Variants in FLCN observed in about 807,000 individuals in gnomAD.
FLCN encodes BHD skin lesion fibrofolliculoma protein.
Under a neutral mutation model 62.5 loss-of-function variants are expected in FLCN, and 22 were observed. The ratio of observed to expected loss-of-function variants is 0.35; its 90% CI spans 0.25 to 0.50. FLCN has a LOEUF of 0.50. Ranked by LOEUF, FLCN falls within the 20% of genes least tolerant of loss-of-function variation. The probability of loss-of-function intolerance (pLI) is 0.97; values close to 1 mark genes in which losing one functional copy is unlikely to be tolerated. For missense variants in FLCN, 657 were observed against 778.0 expected, an observed-to-expected ratio of 0.84 and a Z score of 1.85; for synonymous variants, 319 against 310.0, an observed-to-expected ratio of 1.03 and a Z score of -0.30.
At chr17:17,234,537 G>A (rs1169184355) in intron 1 of FLCN, among the ~76,000 whole-genome samples, 7 of 150,442 alleles carry the variant, frequency 4.7e-5, no homozygotes, top group Admixed American at 3.3e-4. Flanking sequence ...ACTCTTATTC[G>A]TTTTTCCTTT....
intron 3 of FLCN, 55 bp downstream of exon 3, chr17:17,231,739 C>G (rs1199522385): frequency 1.3e-5 from 2 of 152,370 alleles, no homozygotes; most frequent in African/African-American, 4.8e-5. Flanking sequence ...GCCTCTCTGC[C>G]GGCGGCCCAT....
Position 17,226,245 on chromosome 17 carries a change from G to GT in FLCN, c.326dup (p.His109GlnfsTer24). On this transcript the variant is annotated frameshift_variant, in exon 5 of 14. Coordinates refer to ENST00000285071, the MANE Select transcript of FLCN (RefSeq NM_144997.7). LOFTEE classifies it high-confidence loss of function. ...AGAGCTGGGGGTGGCTGGGGTGCTGGTGGCTGACGTATTTAATGGAGGTCT... is the reference window on the plus strand; with the variant it reads ...AGAGCTGGGGGTGGCTGGGGTGCTGGTTGGCTGACGTATTTAATGGAGGTCT... 6.2e-7 allele frequency: 1 copy of GT among 1,614,198 alleles called. No individual in the cohort carries two copies. The highest frequency in any genetic ancestry group is 8.5e-7 in the Non-Finnish European group (1 of 1,180,054).
At chr17:17,222,242 C>A (rs1376209277) in intron 7 of FLCN, among the ~76,000 whole-genome samples, 1 of 152,128 alleles carries the variant, frequency 6.6e-6, no homozygotes, top group African/African-American at 2.4e-5. Context: ...GAGGCTGGGG[C>A]AGGAGAATCA....
At chr17:17,226,039 G>A (rs1187557510) in intron 5 of FLCN, 137 bp downstream of exon 5, 1 of 1,215,740 alleles carries the variant, frequency 8.2e-7, no homozygotes, top group Admixed American at 2.0e-5. Context: ...TGTACCCTGT[G>A]CTGTGCTGAT....
chr17:17,230,807 C>T (rs1015002523), intron 3 of FLCN, among the ~76,000 whole-genome samples: 3 of 151,036 alleles, frequency 2.0e-5, no homozygotes, highest in African/African-American at 7.3e-5. Context: ...GCAGGAGAAT[C>T]GCTCGAACCT....
At chr17:17,231,991 C>T in intron 2 of FLCN, 109 bp from the exon 3 acceptor site, 1 of 153,098 alleles carries the variant, frequency 6.5e-6, no homozygotes, top group Non-Finnish European at 1.5e-5. Flanking sequence ...GTGTGGCTGG[C>T]AGGGAATGGA....
intron 1 of FLCN, chr17:17,236,121 G>GAC (rs2047575419): frequency 6.6e-6 from 1 of 152,220 alleles, no homozygotes; most frequent in Admixed American, 6.5e-5. Context: ...ACCAGCAGTG[G>GAC]ACACACAGCT....
rs34208211 is a variant in FLCN, at chr17:17,233,716, CTTTTTTTTTTT to C, written c.-227-826_-227-816del. ...TCAAGGCTGCAAGTTCCCATCTTTC[CTTTTTTTTTTT>C]TTTTTTTTTTTTTGAGACCAAGTTT... On this transcript the variant is annotated intron_variant, in intron 1 of 13. Coordinates refer to ENST00000285071, the MANE Select transcript of FLCN (RefSeq NM_144997.7). Among the ~76,000 whole-genome samples, 6 of 63,958 alleles carry C rather than the reference CTTTTTTTTTTT, an allele frequency of 9.4e-5. No individual in the cohort carries two copies. In the East Asian group the frequency reaches 2.3e-3, roughly 24 times the overall value. The allele number at this position is 63,958 out of a possible 152,430, so 42.0% of individuals were successfully genotyped here.
At position 17,222,585 on chromosome 17, in the gene FLCN, T is replaced by C; in HGVS notation, c.695A>G (p.Gln232Arg). 6.2e-7 allele frequency: 1 copy of C among 1,614,236 alleles called. No homozygotes were observed. Among genetic ancestry groups the C allele is most frequent in the Non-Finnish European group, 8.5e-7 (1 of 1,180,036 alleles). ...MNTAFTPFLH[Q>R]RNGNAARSLT... ...CGAGCGGGCGGCGTTGCCGTTCCTC[T>C]GGTGTAGGAATGGCGTGAAGGCTGT... The change falls in exon 7 of 14, where the codon CAG (glutamine) becomes CGG (arginine). Residue 232 changes from glutamine to arginine, a missense_variant. Transcript: ENST00000285071.
At chr17:17,225,886 A>G (rs2047230982) in intron 5 of FLCN, 1 of 510,918 alleles carries the variant, frequency 2.0e-6, no homozygotes, top group African/African-American at 1.9e-5. Context: ...GACACAAAAG[A>G]AGGAAAAAAG....
Position 17,224,115 on chromosome 17 carries a change from A to C in FLCN, c.425T>G (p.Phe142Cys). Residue 142 changes from phenylalanine (F) to cysteine (C), a missense_variant, in exon 6 of 14, where the codon TTC becomes TGC. Transcript: ENST00000285071. ...EVCPGREGPI[F>C]FGDEQHGFVF... Reference sequence around the variant, plus strand: ...AAAGCCGTGCTGCTCATCTCCGAAGAAGATGGGGCCTTCACGGCCAGGGCA... The same window carrying C: ...AAAGCCGTGCTGCTCATCTCCGAAGCAGATGGGGCCTTCACGGCCAGGGCA... 6.2e-7 allele frequency: 1 copy of C among 1,604,970 alleles called. No homozygotes were observed. Among genetic ancestry groups the C allele is most frequent in the Non-Finnish European group, 8.5e-7 (1 of 1,175,718 alleles).
Position 17,226,302 on chromosome 17 carries a change from T to C in FLCN, c.270A>G (p.Ala90=). The C allele has an allele frequency of 1.9e-6, 3 of 1,614,186 alleles. No homozygotes were observed. The highest frequency in any genetic ancestry group is 2.5e-6 in the Non-Finnish European group (3 of 1,180,034). The part of the protein sequence containing the change: ...DMCEGCRSLA[A]GHPGYISHDK... ...CATGGCTGATATATCCCGGGTGCCC[T>C]GCAGCAAGTGACCGGCAGCCCTGTC... Residue 90 remains alanine (A), a synonymous_variant, in exon 5 of 14, where the codon GCA becomes GCG. Transcript: ENST00000285071.
intron 7 of FLCN, 131 bp from the exon 8 acceptor site, chr17:17,221,759 CCAGATCCCGCATGCAGG>C (rs1328856037): frequency 3.2e-5 from 30 of 948,560 alleles, no homozygotes; most frequent in Non-Finnish European, 4.9e-5. Flanking sequence ...GCACAACCAG[CCAGATCCCGCATGCAGG>C]CAGTTCCACA....
intron 11 of FLCN, 79 bp from the exon 12 acceptor site, chr17:17,215,395 A>ACTCC (rs753837860): frequency 2.7e-5 from 44 of 1,604,616 alleles, no homozygotes; most frequent in Non-Finnish European, 3.7e-5. Context: ...CGTGGGCCCC[A>ACTCC]CTCCGCTCAT....
In FLCN at chr17:17,223,763, G is replaced by A. The variant is rs72842537; in HGVS notation, c.618+159C>T. ...CGGGATGGCCTGGGAGGCTCCTCAC[G>A]ACCTCCAGCTCTGAAGCCAAGAGAC... On this transcript the variant is annotated intron_variant, in intron 6 of 13. Coordinates refer to ENST00000285071, the MANE Select transcript of FLCN (RefSeq NM_144997.7). 0.026 allele frequency among the ~76,000 whole-genome samples: 3,915 copies of A among 152,328 alleles called. 58 individuals carry two copies. Among genetic ancestry groups the A allele is most frequent in the Non-Finnish European group, 0.042 (2,857 of 68,032 alleles).
chr17:17,218,601 C>A (rs1449156265), intron 9 of FLCN, among the ~76,000 whole-genome samples: 1 of 152,034 alleles, frequency 6.6e-6, no homozygotes, highest in Non-Finnish European at 1.5e-5. Context: ...AGGCTGGTCT[C>A]GAACTCCTGA....
Position 17,216,640 on chromosome 17 carries a change from C to G in FLCN, c.1177-137G>C. 1 of 1,392,764 alleles carries G rather than the reference C, an allele frequency of 7.2e-7. No homozygotes were observed. Among genetic ancestry groups the G allele is most frequent in the South Asian group, 1.3e-5 (1 of 78,620 alleles). 86.3% of individuals were successfully genotyped at this position (1,392,764 alleles called of 1,614,324 possible). On this transcript the variant is annotated intron_variant, in intron 10 of 13. Transcript: ENST00000285071. This position sits in a 1 kb window ranked among gnomAD's most constrained non-coding sequence, Gnocchi z 4.0. ...CCCTCCTGCCAGAGGAGTCCCCAGA[C>G]TCTCAGCCCACAGTGGGGGTGAGGG...
In FLCN at chr17:17,217,091, T is replaced by A. The variant is rs758063582; in HGVS notation, c.1154A>T (p.Gln385Leu). The A allele has an allele frequency of 6.2e-7, 1 of 1,613,456 alleles. No homozygotes were observed. Among genetic ancestry groups the A allele is most frequent in the Non-Finnish European group, 8.5e-7 (1 of 1,179,408 alleles). ...IWKSRDVDLV[Q>L]SAFEVLRTML... The stretch of plus-strand genomic sequence containing the variant: ...CACCCGAAGTACTTCAAAAGCTGAC[T>A]GGACGAGGTCCACGTCTCTGCTTTT... Residue 385 changes from glutamine (Q) to leucine (L), a missense_variant, in exon 10 of 14, where the codon CAG (glutamine) becomes CTG (leucine). By Grantham distance (113) the Gln-to-Leu change is moderately radical. Coordinates refer to ENST00000285071, the MANE Select transcript of FLCN (RefSeq NM_144997.7).
At position 17,215,430 on chromosome 17, in the gene FLCN, G is replaced by A. The variant is rs936454067; in HGVS notation, c.1301-114C>T. On this transcript the variant is annotated intron_variant, in intron 11 of 13. Transcript: ENST00000285071. ...TCCCAGGTCAGTGGGGAAGGCTGCT[G>A]GTGAAAAGACTGGCCCAAATCAATG... The A allele has an allele frequency of 9.1e-6, 14 of 1,530,894 alleles. No homozygotes were observed. In the Middle Eastern group the frequency reaches 7.4e-4, roughly 81 times the overall value. The allele number at this position is 1,530,894 out of a possible 1,614,324, so 94.8% of individuals were successfully genotyped here.
Sources: allele counts gnomAD v4.1 joint callset (sites outside exome capture counted in the v4.1 genomes callset), GRCh38; gene constraint gnomAD v4.1.1; non-coding constraint Gnocchi (gnomAD v3.1); transcripts MANE v1.5; gene names NCBI Gene and HGNC (gene_info 2026-07-23, HGNC 2026-07-21).